Variants in IGF2BP2 observed in about 807,000 individuals in gnomAD.
IGF2BP2 encodes insulin like growth factor 2 mRNA binding protein 2.
In IGF2BP2, 17 loss-of-function variants were observed where a neutral mutation model predicts 75.8. The observed-to-expected ratio is 0.22, with a 90% CI of 0.15 to 0.34. The LOEUF (loss-of-function observed/expected upper bound fraction) is 0.34, where lower values mean the gene tolerates loss of function less well. Among genes scored for constraint, IGF2BP2 ranks in the 10% least tolerant of loss-of-function variants. The pLI is 1.00. For missense variants in IGF2BP2, 516 were observed against 772.4 expected, an observed-to-expected ratio of 0.67 and a Z score of 3.93; for synonymous variants, 288 against 295.6, an observed-to-expected ratio of 0.97 and a Z score of 0.26.
intron 10 of IGF2BP2, among the ~76,000 whole-genome samples, chr3:185,665,464 A>AGGAGGAGGAGG (rs1560251573): frequency 6.1e-5 from 5 of 81,410 alleles, no homozygotes; most frequent in Admixed American, 2.6e-4. Flanking sequence ...GGAGAAGAAG[A>AGGAGGAGGAGG]AGAAGAAGAA....
intron 9 of IGF2BP2, among the ~76,000 whole-genome samples, chr3:185,673,244 A>C (rs1321780749): frequency 6.6e-6 from 1 of 152,196 alleles, no homozygotes; most frequent in Non-Finnish European, 1.5e-5. Flanking sequence ...TTCAGACTAG[A>C]ATTTCCTTGC....
At chr3:185,709,201 T>C (rs982505366) in intron 2 of IGF2BP2, among the ~76,000 whole-genome samples, 1 of 152,220 alleles carries the variant, frequency 6.6e-6, no homozygotes, top group African/African-American at 2.4e-5. Flanking sequence ...ACCATCTTTG[T>C]AAAGGCCAAG....
rs1732096806 is a variant in IGF2BP2 at position 185,759,693 on chromosome 3, A to C, written c.240-61346T>G. Among the ~76,000 whole-genome samples, 4 of 152,252 alleles carry C rather than the reference A, an allele frequency of 2.6e-5. No individual in the cohort carries two copies. In the South Asian group the frequency reaches 8.3e-4, roughly 32 times the overall value. On this transcript the variant is annotated intron_variant, in intron 2 of 15. Transcript: ENST00000382199. ...TCATGCTTACTTATACATGTGACTT[A>C]GAGCCAGCACCCAGGCTTCCAATCT...
intron 2 of IGF2BP2, among the ~76,000 whole-genome samples, chr3:185,759,192 A>T (rs948107232): frequency 1.3e-5 from 2 of 152,208 alleles, no homozygotes; most frequent in Admixed American, 1.3e-4. Flanking sequence ...CAGTCTTCAC[A>T]ATCAGAGAAG....
At chr3:185,698,760 C>A (rs1578011834) in intron 2 of IGF2BP2, among the ~76,000 whole-genome samples, 1 of 152,138 alleles carries the variant, frequency 6.6e-6, no homozygotes, top group Admixed American at 6.5e-5. Context: ...TCCCGAATAG[C>A]TGGGATTACA....
Position 185,691,334 on chromosome 3 carries a change from G to C in IGF2BP2, c.404+1365C>G, listed in dbSNP as rs144530890. ...GCTGGTCTCGATCTCCCAGCCTCAG[G>C]TGATCTGCCCACCTCGGCCTCCCAA... On this transcript the variant is annotated intron_variant, in intron 5 of 15. Coordinates refer to ENST00000382199, the MANE Select transcript of IGF2BP2 (RefSeq NM_006548.6). Among the ~76,000 whole-genome samples, 16 of 152,254 alleles carry C rather than the reference G, an allele frequency of 1.1e-4. No homozygotes were observed. In the East Asian group the frequency reaches 3.1e-3, roughly 29 times the overall value.
At chr3:185,773,089 C>T (rs917714718) in intron 2 of IGF2BP2, among the ~76,000 whole-genome samples, 2 of 152,170 alleles carry the variant, frequency 1.3e-5, no homozygotes, top group South Asian at 2.1e-4. Context: ...CAGCAAAGCA[C>T]GTGACTGCTA....
At chr3:185,747,395 T>C (rs574517247) in intron 2 of IGF2BP2, among the ~76,000 whole-genome samples, 7 of 152,268 alleles carry the variant, frequency 4.6e-5, no homozygotes, top group African/African-American at 7.2e-5. Context: ...TTAAAAAATA[T>C]AGACTGGGTG....
At chr3:185,741,293 GC>G (rs1487043041) in intron 2 of IGF2BP2, among the ~76,000 whole-genome samples, 1 of 152,148 alleles carries the variant, frequency 6.6e-6, no homozygotes, top group African/African-American at 2.4e-5. Context: ...CCTCTTGCCA[GC>G]CTACCGATAA....
At chr3:185,660,571 C>T (rs531790720) in intron 10 of IGF2BP2, among the ~76,000 whole-genome samples, 33 of 152,268 alleles carry the variant, frequency 2.2e-4, no homozygotes, top group African/African-American at 4.3e-4. Flanking sequence ...GAGAGCCTTG[C>T]TTTGACTTGG....
chr3:185,799,751 CAA>C (rs553267954), intron 2 of IGF2BP2, among the ~76,000 whole-genome samples: 17 of 109,950 alleles, frequency 1.5e-4, no homozygotes, highest in East Asian at 5.4e-4. Context: ...GACTCCGTCT[CAA>C]AAAAAAAAAA....
chr3:185,679,195 T>C (rs918055074), intron 7 of IGF2BP2, among the ~76,000 whole-genome samples: 2 of 152,176 alleles, frequency 1.3e-5, no homozygotes, highest in African/African-American at 4.8e-5. Flanking sequence ...CTTCTTTCCT[T>C]TCTTCCTGTC....
intron 2 of IGF2BP2, among the ~76,000 whole-genome samples, chr3:185,753,683 AAAC>A (rs1443826581): frequency 5.9e-5 from 9 of 152,256 alleles, no homozygotes; most frequent in African/African-American, 2.2e-4. Flanking sequence ...ACATTTAATA[AAAC>A]AATAGCAGCA....
intron 2 of IGF2BP2, among the ~76,000 whole-genome samples, chr3:185,709,925 T>C (rs780944960): frequency 3.3e-5 from 5 of 152,210 alleles, no homozygotes; most frequent in Non-Finnish European, 5.9e-5. Flanking sequence ...AATGGGATGA[T>C]CTCTAAGATT....
rs1414179808 is a variant in IGF2BP2 at position 185,657,607 on chromosome 3, G to A, written c.1270-205C>T. On this transcript the variant is annotated intron_variant, in intron 11 of 15. Coordinates refer to ENST00000382199, the MANE Select transcript of IGF2BP2 (RefSeq NM_006548.6). ...TGAGGAAGGGACCTGAGCACAGGCA[G>A]CGCTAGTGATAATCAAGGGCATCCT... Among the ~76,000 whole-genome samples the A allele has an allele frequency of 2.0e-5, 3 of 152,220 alleles. No individual in the cohort carries two copies. In the East Asian group the frequency reaches 5.8e-4, roughly 29 times the overall value.
chr3:185,674,611 T>C lies in IGF2BP2; in HGVS notation c.1071+685A>G, dbSNP rs140675018. ...TTATCAGGCAATCTAAAAGTGCAGATCAGCAAGCAAGGGAGGAAAATCAGA... is the reference window on the plus strand; with the variant it reads ...TTATCAGGCAATCTAAAAGTGCAGACCAGCAAGCAAGGGAGGAAAATCAGA... On this transcript the variant is annotated intron_variant, in intron 9 of 15. Coordinates refer to ENST00000382199, the MANE Select transcript of IGF2BP2 (RefSeq NM_006548.6). Among the ~76,000 whole-genome samples the C allele has an allele frequency of 2.0e-5, 3 of 152,262 alleles. No homozygotes were observed. The East Asian group carries it at 5.8e-4, about 29-fold the overall frequency.
At chr3:185,788,857 C>T (rs1259238747) in intron 2 of IGF2BP2, among the ~76,000 whole-genome samples, 3 of 151,958 alleles carry the variant, frequency 2.0e-5, no homozygotes, top group Non-Finnish European at 4.4e-5. Context: ...GGATTACAGG[C>T]ACTGCCACCA....
intron 2 of IGF2BP2, chr3:185,713,416 C>A (rs541044561): frequency 7.7e-6 from 4 of 519,864 alleles, no homozygotes; most frequent in East Asian, 1.1e-4. Context: ...CAGCAGTGGG[C>A]GGCTTGGTTT....
chr3:185,674,805 T>C (rs1160767315), intron 9 of IGF2BP2, among the ~76,000 whole-genome samples: 2 of 152,114 alleles, frequency 1.3e-5, no homozygotes, highest in African/African-American at 4.8e-5. Context: ...TTTTACATAA[T>C]TGTAAATTTA....
Sources: allele counts gnomAD v4.1 joint callset (sites outside exome capture counted in the v4.1 genomes callset), GRCh38; gene constraint gnomAD v4.1.1; transcripts MANE v1.5; gene names NCBI Gene and HGNC (gene_info 2026-07-23, HGNC 2026-07-21).